Variants in SCEL observed in about 807,000 individuals in gnomAD.
SCEL encodes the protein sciellin.
Under a neutral mutation model 117.6 loss-of-function variants are expected in SCEL, and 113 were observed. The observed-to-expected ratio is 0.96, with a 90% CI of 0.83 to 1.12. The LOEUF is 1.12. Ranked by LOEUF, SCEL falls within the 50% of genes most tolerant of loss-of-function variation. SCEL has a pLI of 0.00. For synonymous variants in SCEL, 270 were observed against 256.2 expected (o/e 1.05, Z -0.51); for missense variants, 785 against 810.8 (o/e 0.97, Z 0.39).
chr13:77,637,307 T>A (rs12860495), intron 30 of SCEL, 113 bp downstream of exon 30: 1 of 174,630 alleles, frequency 5.7e-6, no homozygotes, highest in Admixed American at 6.7e-5. Context: ...TAAATATATA[T>A]ACATATATAT....
chr13:77,630,923 C>G (rs1257596441), intron 28 of SCEL, among the ~76,000 whole-genome samples: 1 of 152,164 alleles, frequency 6.6e-6, no homozygotes, highest in African/African-American at 2.4e-5. Flanking sequence ...AAGGATTATT[C>G]AAGGCATTTG....
chr13:77,611,532 C>A (rs1191061875), intron 22 of SCEL, among the ~76,000 whole-genome samples: 1 of 152,100 alleles, frequency 6.6e-6, no homozygotes, highest in Non-Finnish European at 1.5e-5. Flanking sequence ...TTGCCTTTTC[C>A]CTCTCCCGAG....
At chr13:77,624,407 A>T (rs1362562320) in intron 27 of SCEL, among the ~76,000 whole-genome samples, 2 of 152,010 alleles carry the variant, frequency 1.3e-5, no homozygotes, top group Non-Finnish European at 2.9e-5. Flanking sequence ...CCCAGCCAGA[A>T]AACTGTCTTC....
In SCEL at chr13:77,589,297, C is replaced by A; in HGVS notation, c.626+73C>A. 4 of 1,095,752 alleles carry A rather than the reference C, an allele frequency of 3.7e-6. No homozygotes were observed. In the South Asian group the frequency reaches 5.4e-5, roughly 15 times the overall value. 67.9% of individuals were successfully genotyped at this position (1,095,752 alleles called of 1,614,324 possible). A position where few individuals can be genotyped will look rare whatever the true frequency, so the allele number is the denominator to read the frequency against. ...AAATGAAAGTAAATGGACTGTGACCCGCTGTGGGCAAAGCATGAATGTTTT... is the reference window on the plus strand; with the variant it reads ...AAATGAAAGTAAATGGACTGTGACCAGCTGTGGGCAAAGCATGAATGTTTT... On this transcript the variant is annotated intron_variant, in intron 10 of 32. Coordinates refer to ENST00000349847, the MANE Select transcript of SCEL (RefSeq NM_144777.3).
intron 30 of SCEL, among the ~76,000 whole-genome samples, chr13:77,640,351 A>G (rs2090500904): frequency 6.6e-6 from 1 of 152,156 alleles, no homozygotes; most frequent in African/African-American, 2.4e-5. Context: ...AAAGCCCTCT[A>G]GTACTTCTGA....
At chr13:77,564,579 T>C (rs2085181305) in intron 5 of SCEL, among the ~76,000 whole-genome samples, 1 of 152,100 alleles carries the variant, frequency 6.6e-6, no homozygotes, top group Non-Finnish European at 1.5e-5. Context: ...TAAGCATAAG[T>C]AAAGGACAAA....
intron 27 of SCEL, among the ~76,000 whole-genome samples, chr13:77,627,313 G>A (rs1432365298): frequency 6.6e-6 from 1 of 152,270 alleles, no homozygotes; most frequent in East Asian, 1.9e-4. Context: ...AGATCTGAAT[G>A]AGATAATCCT....
At chr13:77,613,047 A>G in intron 23 of SCEL, 106 bp downstream of exon 23, 1 of 662,908 alleles carries the variant, frequency 1.5e-6, no homozygotes, top group Non-Finnish European at 2.6e-6. Flanking sequence ...GACATGAAAA[A>G]AAATGAGAAC....
chr13:77,578,803 G>C (rs1214503514), intron 9 of SCEL, among the ~76,000 whole-genome samples: 1 of 152,126 alleles, frequency 6.6e-6, no homozygotes, highest in African/African-American at 2.4e-5. Context: ...TGGGACACCG[G>C]CAGGATATAT....
At chr13:77,602,787 C>T in intron 17 of SCEL, 74 bp downstream of exon 17, 1 of 1,324,488 alleles carries the variant, frequency 7.6e-7, no homozygotes, top group Non-Finnish European at 1.1e-6. Context: ...GAGGGCACCA[C>T]ATCTTTGTTT....
chr13:77,557,864 T>C (rs564381644), intron 3 of SCEL, among the ~76,000 whole-genome samples: 18 of 152,242 alleles, frequency 1.2e-4, no homozygotes, highest in Non-Finnish European at 2.4e-4. Flanking sequence ...TACTCTAAAC[T>C]ATCTACAAAC....
intron 1 of SCEL, among the ~76,000 whole-genome samples, chr13:77,551,248 G>C (rs2084302195): frequency 6.6e-6 from 1 of 152,196 alleles, no homozygotes; most frequent in African/African-American, 2.4e-5. Context: ...CAATGCCTGA[G>C]AGGTCCCCTG....
chr13:77,545,165 A>G (rs533463091), intron 1 of SCEL, among the ~76,000 whole-genome samples: 10 of 152,362 alleles, frequency 6.6e-5, no homozygotes, highest in African/African-American at 2.4e-4. Context: ...CAGTAGGCAT[A>G]TGTACTGGCA....
chr13:77,579,375 A>G (rs964297589), intron 9 of SCEL, among the ~76,000 whole-genome samples: 2 of 152,222 alleles, frequency 1.3e-5, no homozygotes, highest in African/African-American at 4.8e-5. Context: ...TGATTGATAG[A>G]TTGATTTTAA....
intron 19 of SCEL, among the ~76,000 whole-genome samples, chr13:77,605,462 G>A (rs1371746883): frequency 2.0e-5 from 3 of 152,132 alleles, no homozygotes; most frequent in Non-Finnish European, 4.4e-5. Context: ...TAGTCAGTGC[G>A]AGCAGGGAAT....
In SCEL at chr13:77,628,004, T is replaced by A. The variant is rs754106670; in HGVS notation, c.1686T>A (p.Asn562Lys). The A allele has an allele frequency of 6.7e-6, 10 of 1,494,498 alleles. No homozygotes were observed. The African/African-American group carries it at 1.4e-4, about 21-fold the overall frequency. The allele number at this position is 1,494,498 out of a possible 1,614,324, so 92.6% of individuals were successfully genotyped here. ...ATTCTCATGTGTCTGAAAACAAGAA[T>A]GGAAGGTAAAGCTTATTATAATTCA... ...EVNSHVSENK[N>K]GSSNTGAKQA... The change falls in exon 28 of 33, where the codon AAT (asparagine) becomes AAA (lysine). Residue 562 changes from asparagine to lysine, a missense_variant. Asn to Lys is a moderately conservative substitution (Grantham distance 94). Transcript: ENST00000349847.
At chr13:77,593,295 T>TGTGTGTGCGC (rs796907419) in intron 11 of SCEL, among the ~76,000 whole-genome samples, 4,673 of 136,764 alleles carry the variant, frequency 0.034, 282 homozygotes, top group East Asian at 0.21. Context: ...TGTGTGTGTG[T>TGTGTGTGCGC]GTCTGTGTGT....
At chr13:77,597,944 T>A (rs938220239) in intron 13 of SCEL, among the ~76,000 whole-genome samples, 2 of 151,338 alleles carry the variant, frequency 1.3e-5, no homozygotes, top group Non-Finnish European at 1.5e-5. Flanking sequence ...CATTTTATTA[T>A]CATAGTTAAT....
chr13:77,616,573 T>C (rs2089060955), intron 24 of SCEL, among the ~76,000 whole-genome samples: 1 of 151,982 alleles, frequency 6.6e-6, no homozygotes, highest in Non-Finnish European at 1.5e-5. Flanking sequence ...AGTTAGAGCC[T>C]TTCCATAGAC....
Sources: allele counts gnomAD v4.1 joint callset (sites outside exome capture counted in the v4.1 genomes callset), GRCh38; gene constraint gnomAD v4.1.1; transcripts MANE v1.5; gene names NCBI Gene and HGNC (gene_info 2026-07-23, HGNC 2026-07-21).